The following MCC variants were observed in gnomAD, a reference collection of about 807,000 sequenced individuals.
MCC encodes colorectal mutant cancer protein.
Under a neutral mutation model 116.2 loss-of-function variants are expected in MCC, and 90 were observed. The observed-to-expected ratio is 0.77, with a 90% CI of 0.65 to 0.92. The LOEUF (loss-of-function observed/expected upper bound fraction) is 0.92. MCC is among the 40% of genes least tolerant of loss of function. The pLI is 0.00. For missense variants in MCC, 1,516 were observed against 1,312.2 expected, an observed-to-expected ratio of 1.16 and a Z score of -2.40; for synonymous variants, 578 against 510.5, an observed-to-expected ratio of 1.13 and a Z score of -1.78.
chr5:113,083,357 G>T (rs1754994126), intron 10 of MCC, among the ~76,000 whole-genome samples: 1 of 152,218 alleles, frequency 6.6e-6, no homozygotes, highest in East Asian at 1.9e-4. Flanking sequence ...GCCACTCCAG[G>T]CCACTGTTTT....
In MCC at chr5:113,340,669, G is replaced by A; in HGVS notation, c.477C>T (p.Ser159=). ...GGGCTGACTGGCTCTGCACATCCGG[G>A]CTCTGGAGGTCCCTGGCACCAGAGT... ...EYDSGARDLQ[S]PDVQSQSALQ... is the part of the protein sequence containing the mutation. Residue 159 remains serine (S), a synonymous_variant, in exon 3 of 19, where the codon AGC becomes AGT. Transcript: ENST00000408903. 1 of 1,614,086 alleles carries A rather than the reference G, an allele frequency of 6.2e-7. No homozygotes were observed. The highest frequency in any genetic ancestry group is 8.5e-7 in the Non-Finnish European group (1 of 1,180,020).
At chr5:113,336,491 GAC>G (rs1432785375) in intron 3 of MCC, among the ~76,000 whole-genome samples, 8 of 151,654 alleles carry the variant, frequency 5.3e-5, no homozygotes, top group African/African-American at 1.2e-4. Context: ...GACATGGTAA[GAC>G]ACAGAAGAGG....
chr5:113,154,723 ATTAGT>A, intron 3 of MCC, among the ~76,000 whole-genome samples: 1 of 152,320 alleles, frequency 6.6e-6, no homozygotes, highest in Admixed American at 6.5e-5. Flanking sequence ...GCATGAAAAA[ATTAGT>A]TTAGAGGTCC....
At chr5:113,063,807 G>A (rs576852652) in intron 14 of MCC, among the ~76,000 whole-genome samples, 177 bp downstream of exon 14, 1 of 152,220 alleles carries the variant, frequency 6.6e-6, no homozygotes, top group East Asian at 1.9e-4. Flanking sequence ...CCACTTTCTA[G>A]CTCTTCTGTT....
intron 3 of MCC, among the ~76,000 whole-genome samples, chr5:113,200,678 G>C (rs1762635603): frequency 6.6e-6 from 1 of 152,068 alleles, no homozygotes; most frequent in Admixed American, 6.6e-5. Flanking sequence ...AAGTTAAAAA[G>C]CAAACAAAGA....
rs573310968 is a variant in MCC at position 113,434,130 on chromosome 5, C to A, written c.171-48918G>T. ...GCACTCGCCTGTCAGGTGCTTGGAG[C>A]GTGGGAAGTTGACGCGGTGCTCCTT... is the stretch of plus-strand genomic sequence containing the variant. On this transcript the variant is annotated intron_variant, in intron 1 of 18. Transcript: ENST00000408903. This position sits in a 1 kb window ranked among gnomAD's most constrained non-coding sequence, Gnocchi z 4.2. The A allele has an allele frequency of 1.9e-6, 3 of 1,614,134 alleles. No individual in the cohort carries two copies. Among genetic ancestry groups the A allele is most frequent in the Non-Finnish European group, 2.5e-6 (3 of 1,180,010 alleles).
chr5:113,071,149 G>A lies in MCC; in HGVS notation c.1870C>T (p.Leu624=). ...GCATTGGATTCGTATTTTCCCACCA[G>A]CATGCTCATCCTCTCGGCATTGCTT... The part of the protein sequence containing the change: ...CKSNAERMSM[L]VGKYESNATA... Residue 624 remains leucine, a synonymous_variant, in exon 12 of 19, where the codon CTG becomes TTG. Transcript: ENST00000408903. 2 of 1,614,154 alleles carry A rather than the reference G, an allele frequency of 1.2e-6. No homozygotes were observed. The highest frequency in any genetic ancestry group is 1.7e-6 in the Non-Finnish European group (2 of 1,180,024).
intron 3 of MCC, among the ~76,000 whole-genome samples, chr5:113,325,516 C>T (rs1767531539): frequency 6.7e-6 from 1 of 150,222 alleles, no homozygotes; most frequent in Non-Finnish European, 1.5e-5. Flanking sequence ...TTTCATATGG[C>T]TTCCTAGACT....
chr5:113,136,685 G>T (rs143392319), intron 5 of MCC, among the ~76,000 whole-genome samples: 1 of 152,088 alleles, frequency 6.6e-6, no homozygotes, highest in East Asian at 1.9e-4. Context: ...TGATTTTAAC[G>T]TGTTGATTTT....
intron 6 of MCC, among the ~76,000 whole-genome samples, chr5:113,107,221 CT>C (rs1296664436): frequency 2.7e-4 from 26 of 97,150 alleles, no homozygotes; most frequent in South Asian, 3.1e-4. Context: ...TTTTTTTTTT[CT>C]TTTTTTTTTT....
intron 2 of MCC, among the ~76,000 whole-genome samples, chr5:113,345,014 G>A (rs185910337): frequency 1.5e-4 from 23 of 152,228 alleles, no homozygotes; most frequent in Admixed American, 5.9e-4. Flanking sequence ...GACCTGCCCC[G>A]GGCCAGAAGG....
At chr5:113,322,986 T>C (rs1767464455) in intron 3 of MCC, 1 of 152,320 alleles carries the variant, frequency 6.6e-6, no homozygotes, top group African/African-American at 2.4e-5. Context: ...ATAAAAGACA[T>C]TGTAGCTCTG....
chr5:113,154,196 T>C (rs1329526683), intron 3 of MCC, among the ~76,000 whole-genome samples: 2 of 152,262 alleles, frequency 1.3e-5, no homozygotes, highest in African/African-American at 4.8e-5. Context: ...ATAAAGTGAC[T>C]GTTTTCTGCA....
chr5:113,443,776 G>A (rs1399947767), intron 1 of MCC, among the ~76,000 whole-genome samples: 2 of 152,080 alleles, frequency 1.3e-5, no homozygotes, highest in Non-Finnish European at 2.9e-5. Context: ...GTCATTGGTT[G>A]TGTTTATTTG....
intron 11 of MCC, among the ~76,000 whole-genome samples, chr5:113,078,653 G>A (rs569448463): frequency 3.3e-5 from 5 of 152,204 alleles, no homozygotes; most frequent in East Asian, 1.9e-4. Flanking sequence ...TTGATGGGAC[G>A]TATCTCAAAA....
intron 3 of MCC, among the ~76,000 whole-genome samples, chr5:113,224,303 G>T (rs546414591): frequency 6.6e-6 from 1 of 152,294 alleles, no homozygotes; most frequent in Admixed American, 6.5e-5. Flanking sequence ...ATGTTGGCCA[G>T]ACTGGTCTGG....
chr5:113,474,351 A>C (rs1772178733), intron 1 of MCC, among the ~76,000 whole-genome samples: 1 of 152,144 alleles, frequency 6.6e-6, no homozygotes, highest in African/African-American at 2.4e-5. Context: ...CCTAGAAAAA[A>C]ATGAGAGGGT....
At chr5:113,132,427 C>CATACATACATACAT (rs1758501401) in intron 5 of MCC, among the ~76,000 whole-genome samples, 1 of 107,338 alleles carries the variant, frequency 9.3e-6, no homozygotes, top group African/African-American at 4.2e-5. Flanking sequence ...TACACACATA[C>CATACATACATACAT]ATATATATAT....
chr5:113,232,018 C>T (rs1348573774), intron 3 of MCC, among the ~76,000 whole-genome samples: 1 of 152,122 alleles, frequency 6.6e-6, no homozygotes, highest in Admixed American at 6.6e-5. Flanking sequence ...AATGTAGACT[C>T]AAACTATGAA....
Sources: allele counts gnomAD v4.1 joint callset (sites outside exome capture counted in the v4.1 genomes callset), GRCh38; gene constraint gnomAD v4.1.1; non-coding constraint Gnocchi (gnomAD v3.1); transcripts MANE v1.5; gene names NCBI Gene and HGNC (gene_info 2026-07-23, HGNC 2026-07-21).